ST8SIA2: variants seen among roughly 807,000 people sequenced by gnomAD.
The protein encoded by ST8SIA2 is ST8 alpha-N-acetyl-neuraminide alpha-2,8-sialyltransferase 2, also known as alpha-2,8-sialyltransferase 8B.
A neutral mutation model predicts 37.6 loss-of-function variants in ST8SIA2; 22 were observed. That is an observed-to-expected ratio of 0.58 (90% CI 0.42 to 0.83). The LOEUF (loss-of-function observed/expected upper bound fraction) is 0.83, where lower values mean the gene tolerates loss of function less well. Among genes scored for constraint, ST8SIA2 ranks in the 40% least tolerant of loss-of-function variants. The probability of loss-of-function intolerance (pLI) is 0.00; values close to 1 mark genes in which losing one functional copy is unlikely to be tolerated. For synonymous variants in ST8SIA2, 205 were observed against 201.2 expected (o/e 1.02, Z -0.16); for missense variants, 382 against 484.7 (o/e 0.79, Z 1.99).
At chr15:92,406,943 A>G (rs2141804739) in intron 1 of ST8SIA2, among the ~76,000 whole-genome samples, 1 of 151,792 alleles carries the variant, frequency 6.6e-6, no homozygotes, top group South Asian at 2.1e-4. Flanking sequence ...GCAGTGAGTC[A>G]AGATGTCACC....
chr15:92,400,848 G>C (rs935624458), intron 1 of ST8SIA2, among the ~76,000 whole-genome samples: 3 of 152,196 alleles, frequency 2.0e-5, no homozygotes, highest in Non-Finnish European at 4.4e-5. Flanking sequence ...CGCAGGGCCA[G>C]CTGTTTCCGT....
At chr15:92,451,885 T>C (rs139434580) in intron 5 of ST8SIA2, among the ~76,000 whole-genome samples, 2 of 152,266 alleles carry the variant, frequency 1.3e-5, no homozygotes, top group Non-Finnish European at 2.9e-5. Context: ...TTGCCCCTAT[T>C]ACACATAACT....
intron 4 of ST8SIA2, among the ~76,000 whole-genome samples, chr15:92,438,983 T>C (rs1230490869): frequency 1.3e-5 from 2 of 152,200 alleles, no homozygotes; most frequent in East Asian, 1.9e-4. Flanking sequence ...TTTCATATCA[T>C]TGATGGCTGT....
chr15:92,426,412 T>C (rs191550202), intron 1 of ST8SIA2, among the ~76,000 whole-genome samples: 1 of 151,836 alleles, frequency 6.6e-6, no homozygotes, highest in Non-Finnish European at 1.5e-5. Context: ...AAAACAAGAG[T>C]TCACCGGCAA....
In ST8SIA2 at chr15:92,422,693, T is replaced by C. The variant is rs529393013; in HGVS notation, c.99-7356T>C. The C allele has an allele frequency of 5.9e-5, 9 of 152,774 alleles. No individual in the cohort carries two copies. In the South Asian group the frequency reaches 1.9e-3, roughly 32 times the overall value. 9.5% of individuals were successfully genotyped at this position (152,774 alleles called of 1,614,324 possible). On this transcript the variant is annotated intron_variant, in intron 1 of 5. Coordinates refer to ENST00000268164, the MANE Select transcript of ST8SIA2 (RefSeq NM_006011.4). ...TGCGGCCCCTTGCCCATCTAAGCAC[T>C]TGGCCAAGTACAGCCACCTCCTCAG... is the stretch of plus-strand genomic sequence containing the variant.
intron 5 of ST8SIA2, among the ~76,000 whole-genome samples, chr15:92,463,816 C>A (rs942157563): frequency 2.0e-5 from 3 of 152,210 alleles, no homozygotes; most frequent in African/African-American, 4.8e-5. Flanking sequence ...CTTGGGCAAG[C>A]CATTTTTCAC....
chr15:92,399,007 T>G (rs2049451802), intron 1 of ST8SIA2, among the ~76,000 whole-genome samples: 1 of 152,108 alleles, frequency 6.6e-6, no homozygotes, highest in South Asian at 2.1e-4. Flanking sequence ...CCCCAAAATG[T>G]CCCTCTAGTC....
At chr15:92,446,730 A>ACCTT (rs2049845469) in intron 5 of ST8SIA2, among the ~76,000 whole-genome samples, 2 of 152,232 alleles carry the variant, frequency 1.3e-5, no homozygotes, top group Non-Finnish European at 2.9e-5. Context: ...GTTTGAGCTA[A>ACCTT]GTCTCAAGGG....
chr15:92,423,357 G>T (rs1373170768), intron 1 of ST8SIA2, among the ~76,000 whole-genome samples: 1 of 152,186 alleles, frequency 6.6e-6, no homozygotes, highest in Non-Finnish European at 1.5e-5. Flanking sequence ...GGAAGTGGAG[G>T]GTGCAGTGAG....
intron 1 of ST8SIA2, among the ~76,000 whole-genome samples, chr15:92,397,912 C>G (rs2049442984): frequency 6.6e-6 from 1 of 152,182 alleles, no homozygotes; most frequent in Admixed American, 6.5e-5. Context: ...GCAGGTAGAT[C>G]ACCTGAGGTC....
intron 5 of ST8SIA2, among the ~76,000 whole-genome samples, chr15:92,460,056 A>G (rs891138567): frequency 2.0e-5 from 3 of 152,128 alleles, no homozygotes; most frequent in Non-Finnish European, 4.4e-5. Flanking sequence ...TTTCTTACAC[A>G]TGTCCCAAAT....
intron 1 of ST8SIA2, among the ~76,000 whole-genome samples, chr15:92,408,406 G>C (rs989507192): frequency 1.3e-5 from 2 of 152,140 alleles, no homozygotes; most frequent in Non-Finnish European, 2.9e-5. Context: ...GGCTAGGACC[G>C]TTTCAGATGT....
intron 1 of ST8SIA2, among the ~76,000 whole-genome samples, chr15:92,412,291 A>G (rs1040380721): frequency 6.6e-6 from 1 of 151,014 alleles, no homozygotes; most frequent in Non-Finnish European, 1.5e-5. Flanking sequence ...AAGGGGGGAG[A>G]GGTTCAATGA....
At chr15:92,399,107 G>C (rs2049452562) in intron 1 of ST8SIA2, among the ~76,000 whole-genome samples, 1 of 152,186 alleles carries the variant, frequency 6.6e-6, no homozygotes, top group African/African-American at 2.4e-5. Flanking sequence ...GAGCATTCCA[G>C]ACTCTGAGGT....
intron 1 of ST8SIA2, among the ~76,000 whole-genome samples, chr15:92,419,171 A>C (rs1402752860): frequency 6.6e-6 from 1 of 152,168 alleles, no homozygotes; most frequent in African/African-American, 2.4e-5. Context: ...GGTTCCAGCC[A>C]TCTGGGGGCT....
At chr15:92,433,097 C>A (rs1283893750) in intron 2 of ST8SIA2, among the ~76,000 whole-genome samples, 3 of 151,718 alleles carry the variant, frequency 2.0e-5, no homozygotes, top group Admixed American at 1.3e-4. Flanking sequence ...GCCACTGCAC[C>A]CCAGCCTGGG....
chr15:92,443,500 T>C (rs2141838288), intron 4 of ST8SIA2, among the ~76,000 whole-genome samples: 1 of 152,300 alleles, frequency 6.6e-6, no homozygotes, highest in Non-Finnish European at 1.5e-5. Flanking sequence ...CTCCAATCCA[T>C]ACTGCAACTT....
At chr15:92,407,681 G>C (rs1461248504) in intron 1 of ST8SIA2, among the ~76,000 whole-genome samples, 1 of 152,216 alleles carries the variant, frequency 6.6e-6, no homozygotes, top group Admixed American at 6.5e-5. Flanking sequence ...CTCTAGGGGT[G>C]ATGGAAGGCA....
intron 1 of ST8SIA2, among the ~76,000 whole-genome samples, chr15:92,413,320 T>A (rs940235808): frequency 3.3e-5 from 5 of 152,206 alleles, no homozygotes; most frequent in African/African-American, 9.7e-5. Context: ...ATCTGCCAGC[T>A]GTTGATATGT....
Sources: allele counts gnomAD v4.1 joint callset (sites outside exome capture counted in the v4.1 genomes callset), GRCh38; gene constraint gnomAD v4.1.1; transcripts MANE v1.5; gene names NCBI Gene and HGNC (gene_info 2026-07-23, HGNC 2026-07-21).